The following PITRM1 variants were observed in gnomAD, a reference collection of about 807,000 sequenced individuals.
PITRM1 encodes the protein presequence protease, mitochondrial.
A neutral mutation model predicts 129.9 loss-of-function variants in PITRM1; 100 were observed. The ratio of observed to expected loss-of-function variants is 0.77; its 90% CI spans 0.65 to 0.91. The LOEUF is 0.91. PITRM1 is among the 40% of genes least tolerant of loss of function. The probability of loss-of-function intolerance (pLI) is 0.00; values close to 1 mark genes in which losing one functional copy is unlikely to be tolerated. For synonymous variants in PITRM1, 591 were observed against 508.8 expected (o/e 1.16, Z -2.17); for missense variants, 1,471 against 1,318.3 (o/e 1.12, Z -1.79).
intron 14 of PITRM1, among the ~76,000 whole-genome samples, chr10:3,154,275 T>C (rs1841779416): frequency 6.6e-6 from 1 of 152,218 alleles, no homozygotes; most frequent in Admixed American, 6.5e-5. Context: ...TCTGGGTTGT[T>C]TCAAGCTTTG....
At chr10:3,141,661 A>T in intron 23 of PITRM1, 1 of 471,054 alleles carries the variant, frequency 2.1e-6, no homozygotes, top group South Asian at 1.5e-5. Context: ...GAGGGTCTGC[A>T]GCACAGACAC....
intron 14 of PITRM1, 74 bp from the exon 15 acceptor site, chr10:3,151,437 ATTATC>A (rs1841510410): frequency 7.7e-6 from 7 of 907,808 alleles, no homozygotes; most frequent in Non-Finnish European, 1.1e-5. Context: ...CTCCTATGTT[ATTATC>A]TTAACATCCA....
At chr10:3,170,403 A>C (rs1194269201) in intron 1 of PITRM1, among the ~76,000 whole-genome samples, 197 bp from the exon 2 acceptor site, 1 of 152,218 alleles carries the variant, frequency 6.6e-6, no homozygotes, top group African/African-American at 2.4e-5. Context: ...CTTTATCTTA[A>C]CTAAAGCTTC....
intron 13 of PITRM1, among the ~76,000 whole-genome samples, chr10:3,156,367 C>G (rs575635502): frequency 6.6e-6 from 1 of 152,320 alleles, no homozygotes; most frequent in African/African-American, 2.4e-5. Flanking sequence ...TAACTTACAA[C>G]AGCTGAGAGA....
At chr10:3,140,516 C>T (rs565424195) in intron 24 of PITRM1, among the ~76,000 whole-genome samples, 171 bp downstream of exon 24, 21 of 152,256 alleles carry the variant, frequency 1.4e-4, no homozygotes, top group African/African-American at 3.6e-4. Context: ...CTAATCCTCG[C>T]GCCAGAAAGG....
Position 3,166,181 on chromosome 10 carries a change from G to A in PITRM1, c.418+48C>T, listed in dbSNP as rs375441823. 1.7e-5 allele frequency: 25 copies of A among 1,469,062 alleles called. No individual in the cohort carries two copies. In the African/African-American group the frequency reaches 3.1e-4, roughly 18 times the overall value. The allele number at this position is 1,469,062 out of a possible 1,614,324, so 91.0% of individuals were successfully genotyped here. A position where few individuals can be genotyped will look rare whatever the true frequency, so the allele number is the denominator to read the frequency against. ...AGAAACTAACTGAATTCCAGTGGGT[G>A]TGCCTGGCAAACCCAAAAGCAGTTT... is the stretch of plus-strand genomic sequence containing the variant. On this transcript the variant is annotated intron_variant, in intron 4 of 26. Transcript: ENST00000224949.
rs939530390 is a variant in PITRM1, at chr10:3,141,713, G to T, written c.2646-901C>A. 4 of 466,058 alleles carry T rather than the reference G, an allele frequency of 8.6e-6. No individual in the cohort carries two copies. The Admixed American group carries it at 9.6e-5, about 11-fold the overall frequency. 28.9% of individuals were successfully genotyped at this position (466,058 alleles called of 1,614,324 possible). ...CCCGTGGTGAGATCAGCCCCAGGTCGCCGCTTCCACAGACAGGCCTTTTCC... is the reference window on the plus strand; with the variant it reads ...CCCGTGGTGAGATCAGCCCCAGGTCTCCGCTTCCACAGACAGGCCTTTTCC... On this transcript the variant is annotated intron_variant, in intron 23 of 26. Transcript: ENST00000224949.
rs140840820 is a variant in PITRM1 at position 3,143,346 on chromosome 10, C to T, written c.2645+43G>A. ...CTCGAACAGCCTTGACAAGCTCTTC[C>T]GTAAGGCTCAGGCCTGAGAGGTCCC... On this transcript the variant is annotated intron_variant, in intron 23 of 26. Transcript: ENST00000224949. 677 of 1,250,570 alleles carry T rather than the reference C, an allele frequency of 5.4e-4. 1 individual carries two copies. Among genetic ancestry groups the T allele is most frequent in the Middle Eastern group, 4.3e-3 (23 of 5,372 alleles). The allele number at this position is 1,250,570 out of a possible 1,614,324, so 77.5% of individuals were successfully genotyped here. A position where few individuals can be genotyped will look rare whatever the true frequency, so the allele number is the denominator to read the frequency against.
At chr10:3,146,713 C>T (rs778435263) in intron 20 of PITRM1, 1 of 154,052 alleles carries the variant, frequency 6.5e-6, no homozygotes, top group South Asian at 2.0e-4. Context: ...TGAAAATAAA[C>T]AATCATTTTT....
At chr10:3,166,103 A>C (rs1247131112) in intron 4 of PITRM1, 126 bp downstream of exon 4, 1 of 682,658 alleles carries the variant, frequency 1.5e-6, no homozygotes, top group African/African-American at 1.8e-5. Context: ...TCAACTAGAG[A>C]GAGGTAAAAA....
chr10:3,156,092 T>C (rs1841960393), intron 13 of PITRM1, among the ~76,000 whole-genome samples: 1 of 152,244 alleles, frequency 6.6e-6, no homozygotes, highest in Non-Finnish European at 1.5e-5. Context: ...TTTAGTCTAA[T>C]TGAAGATAAT....
In PITRM1 at chr10:3,171,146, TTAAAAAAAAAAAAAAAA is replaced by T. The variant is rs1384333346; in HGVS notation, c.57-957_57-941del. ...GATAAAGTGCGGACTAATCGTTCAA[TTAAAAAAAAAAAAAAAA>T]AAAAAAAAAAAAAAAAAAAAACCTT... On this transcript the variant is annotated intron_variant, in intron 1 of 26. Coordinates refer to ENST00000224949, the MANE Select transcript of PITRM1 (RefSeq NM_014889.4). Among the ~76,000 whole-genome samples, 57 of 36,266 alleles carry T rather than the reference TTAAAAAAAAAAAAAAAA, an allele frequency of 1.6e-3. 3 individuals carry two copies. Among genetic ancestry groups the T allele is most frequent in the East Asian group, 5.4e-3 (7 of 1,292 alleles). The allele number at this position is 36,266 out of a possible 152,430, so 23.8% of individuals were successfully genotyped here.
At chr10:3,138,406 G>T in intron 25 of PITRM1, 69 bp from the exon 26 acceptor site, 1 of 997,638 alleles carries the variant, frequency 1.0e-6, no homozygotes. Context: ...GTGCACTCAT[G>T]TCCCGGAGGG....
chr10:3,147,633 C>G lies in PITRM1; in HGVS notation c.2174G>C (p.Arg725Thr), dbSNP rs1439087871. ...TGCGGGCGTGAGGGTCCGGCCTGCC[C>G]TGATGGATGCGTACAGGTGCCCAGA... is the stretch of plus-strand genomic sequence containing the variant. The part of the protein sequence containing the change: ...PDSGHLYASI[R>T]AGRTLTPAGD... The change falls in exon 19 of 27, where the codon AGG becomes ACG. Residue 725 changes from arginine (R) to threonine (T), a missense_variant. Arg to Thr is a moderately conservative substitution (Grantham distance 71). Coordinates refer to ENST00000224949, the MANE Select transcript of PITRM1 (RefSeq NM_014889.4). 6.2e-7 allele frequency: 1 copy of G among 1,614,046 alleles called. No homozygotes were observed. Among genetic ancestry groups the G allele is most frequent in the East Asian group, 2.2e-5 (1 of 44,880 alleles).
At chr10:3,159,713 C>T (rs774436899) in intron 9 of PITRM1, 135 bp downstream of exon 9, 1 of 552,428 alleles carries the variant, frequency 1.8e-6, no homozygotes, top group South Asian at 2.8e-5. Context: ...TTCTCTATTC[C>T]TAAAATCCAC....
intron 22 of PITRM1, chr10:3,143,797 A>T (rs1471122665): frequency 7.9e-6 from 5 of 633,438 alleles, no homozygotes; most frequent in Non-Finnish European, 1.2e-5. Context: ...AAAACATTTC[A>T]TTCTACGCCG....
chr10:3,163,435 C>T (rs904194269), intron 7 of PITRM1: 9 of 201,060 alleles, frequency 4.5e-5, no homozygotes, highest in African/African-American at 1.4e-4. Context: ...CCACTTTCCA[C>T]GCAACCAAGC....
rs1419796724 is a variant in PITRM1 at position 3,140,738 on chromosome 10, C to G, written c.2720G>C (p.Gly907Ala). Residue 907 changes from glycine (G) to alanine (A), a missense_variant, in exon 24 of 27, where the codon GGT (glycine) becomes GCT (alanine). Gly to Ala is a moderately conservative substitution (Grantham distance 60). Coordinates refer to ENST00000224949, the MANE Select transcript of PITRM1 (RefSeq NM_014889.4). ...ATTGTGGCTGAGTTTTGCGCCTCCACCATAAGCACCGCCTTTTTCTCGAAT... is the reference window on the plus strand; with the variant it reads ...ATTGTGGCTGAGTTTTGCGCCTCCAGCATAAGCACCGCCTTTTTCTCGAAT... ...TEIREKGGAY[G>A]GGAKLSHNGI... The G allele has an allele frequency of 2.5e-6, 4 of 1,597,718 alleles. No individual in the cohort carries two copies. The highest frequency in any genetic ancestry group is 3.4e-6 in the Non-Finnish European group (4 of 1,171,544).
chr10:3,167,359 A>T (rs1003048222), intron 2 of PITRM1, among the ~76,000 whole-genome samples: 1 of 152,202 alleles, frequency 6.6e-6, no homozygotes. Context: ...TTTATTTTTT[A>T]AATTTTTTAT....
Sources: allele counts gnomAD v4.1 joint callset (sites outside exome capture counted in the v4.1 genomes callset), GRCh38; gene constraint gnomAD v4.1.1; transcripts MANE v1.5; gene names NCBI Gene and HGNC (gene_info 2026-07-23, HGNC 2026-07-21).